ADCK5: variants seen among roughly 807,000 people sequenced by gnomAD.
The protein encoded by ADCK5 is aarF domain containing kinase 5, also known as uncharacterized aarF domain-containing protein kinase 5.
In ADCK5, 43 loss-of-function variants were observed where a neutral mutation model predicts 64.9. That is an observed-to-expected ratio of 0.66 (90% confidence interval 0.52 to 0.85). ADCK5 has a LOEUF of 0.85. ADCK5 is among the 40% of genes least tolerant of loss of function. ADCK5 has a pLI of 0.00. For missense variants in ADCK5, 760 were observed against 810.5 expected, an observed-to-expected ratio of 0.94 and a Z score of 0.76; for synonymous variants, 434 against 342.8, an observed-to-expected ratio of 1.27 and a Z score of -2.94.
chr8:144,392,920 C>CGG, intron 14 of ADCK5, 28 bp downstream of exon 14: 1 of 1,591,148 alleles, frequency 6.3e-7, no homozygotes, highest in Non-Finnish European at 8.5e-7. Flanking sequence ...AGGTGGGTGG[C>CGG]GGGGGCCTGC....
chr8:144,377,837 A>G (rs964037401), intron 1 of ADCK5, among the ~76,000 whole-genome samples: 7 of 152,196 alleles, frequency 4.6e-5, no homozygotes, highest in African/African-American at 1.4e-4. Flanking sequence ...CGTCTGCTGT[A>G]TGATTCCATG....
At chr8:144,390,776 GT>G in intron 4 of ADCK5, 30 bp downstream of exon 4, 2 of 1,611,580 alleles carry the variant, frequency 1.2e-6, no homozygotes, top group Non-Finnish European at 1.7e-6. Context: ...GCACACAGTG[GT>G]GGGCATGAGG....
Position 144,391,670 on chromosome 8 carries a change from T to G in ADCK5, c.889T>G (p.Tyr297Asp), listed in dbSNP as rs781926584. Reference protein sequence around the residue: ...RCARELAHFPYVVVPRVHWDK... With the variant: ...RCARELAHFPDVVVPRVHWDK... ...TGCGCGGGAGCTGGCGCACTTCCCC[T>G]ACGTCGTGGTGCCCCGCGTGCACTG... Residue 297 changes from tyrosine to aspartate, a missense_variant, in exon 8 of 15, where the codon TAC becomes GAC. Tyr to Asp is a radical substitution (Grantham distance 160). This residue lies in a region of ADCK5 where 427 missense variants were observed against 518.4 expected (regional missense o/e 0.82). Transcript: ENST00000308860. 3.2e-6 allele frequency: 5 copies of G among 1,542,800 alleles called. No homozygotes were observed. The highest frequency in any genetic ancestry group is 3.5e-6 in the Non-Finnish European group (4 of 1,148,208).
rs1820376591 is a variant in ADCK5, at chr8:144,392,826, A to G, written c.1571A>G (p.Tyr524Cys). 1 of 1,592,684 alleles carries G rather than the reference A, an allele frequency of 6.3e-7. No homozygotes were observed. The highest frequency in any genetic ancestry group is 8.5e-7 in the Non-Finnish European group (1 of 1,174,086). Residue 524 changes from tyrosine (Y) to cysteine (C), a missense_variant, in exon 14 of 15, where the codon TAC becomes TGC. Physicochemically the swap from Tyr to Cys is radical, Grantham distance 194 (BLOSUM62 -2). This residue lies in a region of ADCK5 where 333 missense variants were observed against 292.0 expected (regional missense o/e 1.14). Transcript: ENST00000308860. ...GCGGGCGCCACGTATCGGGGTGTCTACGGCACCAGCCTCCTGCGCCACGCC... is the reference window on the plus strand; with the variant it reads ...GCGGGCGCCACGTATCGGGGTGTCTGCGGCACCAGCCTCCTGCGCCACGCC... ...RLAGATYRGV[Y>C]GTSLLRHAKV...
intron 12 of ADCK5, 27 bp from the exon 13 acceptor site, chr8:144,392,418 T>TACCCAC: frequency 1.3e-6 from 1 of 799,250 alleles, no homozygotes; most frequent in Non-Finnish European, 1.7e-6. Flanking sequence ...CAGAGCCCCC[T>TACCCAC]CCCTCCCTCC....
In ADCK5 at chr8:144,392,297, C is replaced by A. The variant is rs782626192; in HGVS notation, c.1219C>A (p.Arg407=). ...CCAGCTGTGGCGGGCCATCATCCTG[C>A]GGGACGACGCCGCCATGAGGGCGCA... ...LCQLWRAIIL[R]DDAAMRAHAA... is the part of the protein sequence containing the mutation. Residue 407 remains arginine, a synonymous_variant, in exon 12 of 15, where the codon CGG becomes AGG. Transcript: ENST00000308860. 3 of 1,508,576 alleles carry A rather than the reference C, an allele frequency of 2.0e-6. No individual in the cohort carries two copies. Among genetic ancestry groups the A allele is most frequent in the Non-Finnish European group, 2.7e-6 (3 of 1,131,850 alleles). The allele number at this position is 1,508,576 out of a possible 1,614,324, so 93.4% of individuals were successfully genotyped here.
chr8:144,391,659 C>T lies in ADCK5; in HGVS notation c.878C>T (p.Ala293Val), dbSNP rs1554860672. 1.4e-5 allele frequency: 22 copies of T among 1,545,782 alleles called. No homozygotes were observed. Among genetic ancestry groups the T allele is most frequent in the Non-Finnish European group, 1.9e-5 (22 of 1,149,756 alleles). Residue 293 changes from alanine to valine, a missense_variant, in exon 8 of 15, where the codon GCG (alanine) becomes GTG (valine). By Grantham distance (64) the Ala-to-Val change is moderately conservative. Around this residue, in one of 2 missense-constraint regions of ADCK5, gnomAD observed 427 missense variants for 518.4 expected, o/e 0.82. Transcript: ENST00000308860. ...RNAERCAREL[A>V]HFPYVVVPRV... ...GCAGAGCGCTGTGCGCGGGAGCTGG[C>T]GCACTTCCCCTACGTCGTGGTGCCC...
At chr8:144,388,679 G>T (rs1055976826) in intron 3 of ADCK5, among the ~76,000 whole-genome samples, 1 of 151,002 alleles carries the variant, frequency 6.6e-6, no homozygotes, top group African/African-American at 2.4e-5. Flanking sequence ...GCAGGAGAAC[G>T]GCGTGAACCT....
At position 144,375,572 on chromosome 8, in the gene ADCK5, G is replaced by A. The variant is rs1448061742; in HGVS notation, c.12+1465G>A. 27 of 985,466 alleles carry A rather than the reference G, an allele frequency of 2.7e-5. No homozygotes were observed. In the South Asian group the frequency reaches 8.0e-4, roughly 29 times the overall value. 61.0% of individuals were successfully genotyped at this position (985,466 alleles called of 1,614,324 possible). A position where few individuals can be genotyped will look rare whatever the true frequency, so the allele number is the denominator to read the frequency against. ...CTGCAGGCGCTGGAAAACCAGACAC[G>A]ATCGGACATGCATGTGGTTCTGCGG... On this transcript the variant is annotated intron_variant, in intron 1 of 14. Transcript: ENST00000308860.
At chr8:144,379,099 A>G (rs1397905229) in intron 1 of ADCK5, among the ~76,000 whole-genome samples, 6 of 151,568 alleles carry the variant, frequency 4.0e-5, no homozygotes, top group Admixed American at 6.6e-5. Flanking sequence ...ATGCCCAACT[A>G]ATTTTGTATT....
intron 2 of ADCK5, among the ~76,000 whole-genome samples, chr8:144,381,753 CA>C (rs1819664634): frequency 6.3e-5 from 2 of 31,630 alleles, no homozygotes; most frequent in Non-Finnish European, 6.4e-5. Flanking sequence ...GGGCCGGGTG[CA>C]GAAACAGATG....
intron 1 of ADCK5, among the ~76,000 whole-genome samples, chr8:144,378,747 C>T (rs782472578): frequency 9.9e-5 from 15 of 151,984 alleles, no homozygotes; most frequent in Middle Eastern, 3.4e-3. Flanking sequence ...GATGTGGTGG[C>T]GTATGCTTGT....
At position 144,391,063 on chromosome 8, in the gene ADCK5, G is replaced by T. The variant is rs782435769; in HGVS notation, c.543+7G>T. The T allele has an allele frequency of 2.1e-5, 34 of 1,611,600 alleles. No homozygotes were observed. The South Asian group carries it at 3.7e-4, about 18-fold the overall frequency. ...CAAGCGGGGCTTCCAGGAGGTGAGT[G>T]TGCGCTCAGGCCGAGGGAGGTGGGG... On this transcript the variant is annotated splice_region_variant and intron_variant, in intron 5 of 14. Coordinates refer to ENST00000308860, the MANE Select transcript of ADCK5 (RefSeq NM_174922.5).
At position 144,389,166 on chromosome 8, in the gene ADCK5, C is replaced by T. The variant is rs1554859861; in HGVS notation, c.267-1505C>T. On this transcript the variant is annotated intron_variant, in intron 3 of 14. Transcript: ENST00000308860. ...GCCTGGGGACACCCCTCTACCCCAT[C>T]CTCTTGCCTAAATCTCCCCCAGGAG... 9 of 432,540 alleles carry T rather than the reference C, an allele frequency of 2.1e-5. 1 individual carries two copies. The highest frequency in any genetic ancestry group is 8.3e-5 in the South Asian group (5 of 60,284). 26.8% of individuals were successfully genotyped at this position (432,540 alleles called of 1,614,324 possible).
At chr8:144,375,273 C>CT (rs1358741075) in intron 1 of ADCK5, among the ~76,000 whole-genome samples, 3 of 152,188 alleles carry the variant, frequency 2.0e-5, no homozygotes, top group Admixed American at 2.0e-4. Context: ...TGAGGACTGG[C>CT]TGGGGCTGAC....
At chr8:144,386,331 A>T (rs71516055) in intron 3 of ADCK5, among the ~76,000 whole-genome samples, 58,035 of 150,840 alleles carry the variant, frequency 0.38, 11,560 homozygotes, top group East Asian at 0.65. Context: ...CTTTTTTTTT[A>T]AAATTTTTTA....
rs1230629138 is a variant in ADCK5, at chr8:144,391,684, C to T, written c.903C>T (p.Pro301=). 1.9e-6 allele frequency: 3 copies of T among 1,541,016 alleles called. No individual in the cohort carries two copies. The highest frequency in any genetic ancestry group is 3.9e-5 in the Admixed American group (2 of 51,048). Reference sequence around the variant, plus strand: ...CGCACTTCCCCTACGTCGTGGTGCCCCGCGTGCACTGGGACAAGTCCAGCA... The same window carrying T: ...CGCACTTCCCCTACGTCGTGGTGCCTCGCGTGCACTGGGACAAGTCCAGCA... ...ELAHFPYVVV[P]RVHWDKSSKR... The change falls in exon 8 of 15, where the codon CCC becomes CCT. Residue 301 remains proline, a synonymous_variant. Coordinates refer to ENST00000308860, the MANE Select transcript of ADCK5 (RefSeq NM_174922.5).
intron 3 of ADCK5, among the ~76,000 whole-genome samples, chr8:144,385,375 G>C (rs1819871060): frequency 6.6e-6 from 1 of 151,562 alleles, no homozygotes; most frequent in Admixed American, 6.6e-5. Context: ...GTAGAGACAG[G>C]GTTTCGTCAT....
upstream of ADCK5, chr8:144,373,407 G>A (rs1157573222): frequency 1.3e-5 from 2 of 152,594 alleles, no homozygotes; most frequent in African/African-American, 4.8e-5. Context: ...TACCCAGCCA[G>A]GGCTGTCACA....
Sources: allele counts gnomAD v4.1 joint callset (sites outside exome capture counted in the v4.1 genomes callset), GRCh38; gene constraint gnomAD v4.1.1; regional missense constraint gnomAD v4.1.1; transcripts MANE v1.5; gene names NCBI Gene and HGNC (gene_info 2026-07-23, HGNC 2026-07-21).